The following TP73 variants were observed in gnomAD, a reference collection of about 807,000 sequenced individuals.
TP73 encodes tumor protein p73.
TP73 carries 25 observed loss-of-function variants against 62.5 expected under a neutral mutation model. The ratio of observed to expected loss-of-function variants is 0.40; its 90% CI spans 0.29 to 0.56. The LOEUF (loss-of-function observed/expected upper bound fraction) is 0.56, where lower values mean the gene tolerates loss of function less well. Ranked by LOEUF, TP73 falls within the 20% of genes least tolerant of loss-of-function variation. The pLI, the probability that TP73 is intolerant of heterozygous loss-of-function variation, is 0.46. For synonymous variants in TP73, 423 were observed against 377.5 expected, an observed-to-expected ratio of 1.12 and a Z score of -1.40; for missense variants, 754 against 913.3, an observed-to-expected ratio of 0.83 and a Z score of 2.25.
intron 1 of TP73, among the ~76,000 whole-genome samples, chr1:3,656,168 A>G (rs10752739): frequency 0.39 from 58,589 of 148,460 alleles, 12,808 homozygotes; most frequent in Non-Finnish European, 0.49. Context: ...GAGCGAGACT[A>G]CGTCTCAAAA....
At chr1:3,725,554 TG>T (rs1488963097) in intron 6 of TP73, among the ~76,000 whole-genome samples, 1 of 13,346 alleles carries the variant, frequency 7.5e-5, no homozygotes, top group Non-Finnish European at 1.3e-4. Context: ...GGCGGATGGA[TG>T]GGGTGGGTGG....
At chr1:3,704,280 C>T (rs912239224) in intron 3 of TP73, among the ~76,000 whole-genome samples, 8 of 152,210 alleles carry the variant, frequency 5.3e-5, no homozygotes, top group African/African-American at 1.9e-4. Flanking sequence ...ATCGTTTCAG[C>T]CTGTAATCAG....
chr1:3,710,684 G>A (rs575668480), intron 4 of TP73, among the ~76,000 whole-genome samples: 17 of 152,380 alleles, frequency 1.1e-4, no homozygotes, highest in African/African-American at 3.4e-4. Flanking sequence ...TGGGCACTGA[G>A]AGGTCTGGAG....
chr1:3,725,532 A>ATGGATTGACTGATAT (rs1641441386), intron 6 of TP73, among the ~76,000 whole-genome samples: 2 of 88,132 alleles, frequency 2.3e-5, no homozygotes, highest in Admixed American at 2.9e-4. Context: ...GGACGGATGG[A>ATGGATTGACTGATAT]TGAATAGGGT....
intron 3 of TP73, among the ~76,000 whole-genome samples, chr1:3,686,390 C>A (rs750194201): frequency 6.6e-6 from 1 of 152,190 alleles, no homozygotes; most frequent in Non-Finnish European, 1.5e-5. Context: ...TTCTCTGAGC[C>A]TCCATGTCCT....
chr1:3,662,069 AG>A lies in TP73; in HGVS notation c.-34+9429del, dbSNP rs936697407. On this transcript the variant is annotated intron_variant, in intron 1 of 13. Coordinates refer to ENST00000378295, the MANE Select transcript of TP73 (RefSeq NM_005427.4). This position sits in a 1 kb window ranked among gnomAD's most constrained non-coding sequence, Gnocchi z 4.4. ...GTGAGACCCTGTCTCAAAAAAAAAA[AG>A]AACTAGTTCACACCCATGTTTCCTC... The A allele has an allele frequency of 6.6e-6, 1 of 150,708 alleles. No homozygotes were observed. The highest frequency in any genetic ancestry group is 1.5e-5 in the Non-Finnish European group (1 of 67,822). The allele number at this position is 150,708 out of a possible 1,614,324, so 9.3% of individuals were successfully genotyped here.
At chr1:3,706,590 C>T (rs946792750) in intron 3 of TP73, among the ~76,000 whole-genome samples, 4 of 151,840 alleles carry the variant, frequency 2.6e-5, no homozygotes, top group African/African-American at 9.7e-5. Context: ...GTGCAGTCTT[C>T]CTCCAGCACC....
rs764933279 is a variant in TP73, at chr1:3,731,562, G to A, written c.1578+6G>A. 12 of 1,613,306 alleles carry A rather than the reference G, an allele frequency of 7.4e-6. No homozygotes were observed. Among genetic ancestry groups the A allele is most frequent in the East Asian group, 2.2e-5 (1 of 44,892 alleles). ...TGCAGAACCTGACCATTGAGGTAAC[G>A]CCCGGGTGGACCCCGCTCTGCAGAG... is the stretch of plus-strand genomic sequence containing the variant. On this transcript the variant is annotated splice_donor_region_variant and intron_variant, in intron 13 of 13. Transcript: ENST00000378295.
chr1:3,714,300 A>G (rs1410209531), intron 4 of TP73: 3 of 152,194 alleles, frequency 2.0e-5, no homozygotes, highest in Non-Finnish European at 4.4e-5. Flanking sequence ...TGTCCCAGGA[A>G]GCTGTGGCCA....
chr1:3,680,252 G>C lies in TP73; in HGVS notation c.-33-2081G>C, dbSNP rs550578830. On this transcript the variant is annotated intron_variant, in intron 1 of 13. Transcript: ENST00000378295. The stretch of plus-strand genomic sequence containing the variant: ...GAGCTTCGTTCCTTTTCATGGCCGC[G>C]TAATGTTCCATTGCTTGCTGGCACC... Among the ~76,000 whole-genome samples the C allele has an allele frequency of 5.3e-4, 81 of 152,308 alleles. 1 individual carries two copies. Among genetic ancestry groups the C allele is most frequent in the African/African-American group, 1.9e-3 (78 of 41,560 alleles).
At chr1:3,655,431 G>C (rs577010323) in intron 1 of TP73, among the ~76,000 whole-genome samples, 1 of 152,198 alleles carries the variant, frequency 6.6e-6, no homozygotes, top group African/African-American at 2.4e-5. Context: ...TTCATGTAAC[G>C]AGCTGCCATT....
intron 3 of TP73, among the ~76,000 whole-genome samples, chr1:3,684,309 A>ACAGC (rs1159150577): frequency 6.6e-6 from 1 of 152,186 alleles, no homozygotes; most frequent in East Asian, 1.9e-4. Flanking sequence ...GATACGCGGA[A>ACAGC]CAGCGCGTCT....
chr1:3,680,702 C>T (rs575940185), intron 1 of TP73, among the ~76,000 whole-genome samples: 1 of 152,350 alleles, frequency 6.6e-6, no homozygotes, highest in Non-Finnish European at 1.5e-5. Context: ...CCCCGGGGCC[C>T]TGTGCCAGCC....
chr1:3,688,752 G>A (rs558183928), intron 3 of TP73, among the ~76,000 whole-genome samples: 13 of 152,308 alleles, frequency 8.5e-5, no homozygotes, highest in African/African-American at 1.7e-4. Context: ...TAGCTCAGCC[G>A]CACTGGGATC....
intron 13 of TP73, 137 bp from the exon 14 acceptor site, chr1:3,732,610 C>T (rs978195018): frequency 6.6e-6 from 5 of 759,468 alleles, no homozygotes; most frequent in Non-Finnish European, 1.0e-5. Flanking sequence ...GGCTCTCCCC[C>T]TCCCCCGTCT....
chr1:3,709,528 A>G (rs1002934551), intron 4 of TP73, among the ~76,000 whole-genome samples: 1 of 152,164 alleles, frequency 6.6e-6, no homozygotes, highest in Non-Finnish European at 1.5e-5. Context: ...GGGCCTCCCA[A>G]ATGAGTGGTT....
chr1:3,728,189 A>C lies in TP73; in HGVS notation c.1046A>C (p.His349Pro). Residue 349 changes from histidine (H) to proline (P), a missense_variant, in exon 9 of 14, where the codon CAT becomes CCT. By Grantham distance (77) the His-to-Pro change is moderately conservative (BLOSUM62 -2). Coordinates refer to ENST00000378295, the MANE Select transcript of TP73 (RefSeq NM_005427.4). Reference sequence around the variant, plus strand: ...GGTGCCGGTGTGAAGAAGCGGCGGCATGGAGACGAGGACACGTACTACCTT... The same window carrying C: ...GGTGCCGGTGTGAAGAAGCGGCGGCCTGGAGACGAGGACACGTACTACCTT... The part of the protein sequence containing the change: ...ALGAGVKKRR[H>P]GDEDTYYLQV... The C allele has an allele frequency of 6.2e-7, 1 of 1,612,058 alleles. No homozygotes were observed. The highest frequency in any genetic ancestry group is 1.3e-5 in the African/African-American group (1 of 75,050).
intron 2 of TP73, 72 bp downstream of exon 2, chr1:3,682,502 G>C: frequency 1.5e-6 from 2 of 1,351,408 alleles, no homozygotes; most frequent in Non-Finnish European, 2.0e-6. Context: ...AGCCACCTTC[G>C]CTGGGCTAAC....
chr1:3,717,543 C>T (rs1012848112), intron 4 of TP73, among the ~76,000 whole-genome samples: 2 of 152,152 alleles, frequency 1.3e-5, no homozygotes, highest in African/African-American at 2.4e-5. Context: ...AAGGAGAAGG[C>T]AGGAGGGGGG....
Sources: gnomAD v4.1 joint callset for allele counts (sites outside exome capture counted in the v4.1 genomes callset) on GRCh38, gnomAD v4.1.1 for gene constraint, Gnocchi (gnomAD v3.1) non-coding constraint, MANE v1.5 for transcripts, NCBI Gene and HGNC (gene_info 2026-07-23, HGNC 2026-07-21) for gene names.